TSNARE1: variants seen among roughly 807,000 people sequenced by gnomAD.
TSNARE1 encodes t-SNARE domain-containing protein 1.
In TSNARE1, 49 loss-of-function variants were observed where a neutral mutation model predicts 62.0. That is an observed-to-expected ratio of 0.79 (90% CI 0.63 to 1.00). The LOEUF (loss-of-function observed/expected upper bound fraction) is 1.00. Ranked by LOEUF, TSNARE1 falls within the 50% of genes least tolerant of loss-of-function variation. The pLI is 0.00. For missense variants in TSNARE1, 755 were observed against 700.1 expected (o/e 1.08, Z -0.88); for synonymous variants, 328 against 294.4 (o/e 1.11, Z -1.17).
At chr8:142,363,140 T>C (rs982794593) in intron 1 of TSNARE1, among the ~76,000 whole-genome samples, 7 of 152,172 alleles carry the variant, frequency 4.6e-5, no homozygotes, top group Admixed American at 4.6e-4. Flanking sequence ...GTGTGAGGGC[T>C]GTGGCTGCCT....
At chr8:142,387,272 T>C (rs951563834) in intron 1 of TSNARE1, among the ~76,000 whole-genome samples, 2 of 152,122 alleles carry the variant, frequency 1.3e-5, no homozygotes, top group African/African-American at 2.4e-5. Context: ...ATAAGGAAAA[T>C]ATGTCTCATC....
intron 9 of TSNARE1, among the ~76,000 whole-genome samples, chr8:142,305,286 G>T (rs1826474066): frequency 6.7e-6 from 1 of 149,266 alleles, no homozygotes; most frequent in Non-Finnish European, 1.5e-5. Flanking sequence ...CTGTGCCTTG[G>T]GATTGATGCC....
chr8:142,345,916 C>T (rs373777821), intron 2 of TSNARE1, 24 bp from the exon 3 acceptor site: 15 of 1,605,338 alleles, frequency 9.3e-6, no homozygotes, highest in Middle Eastern at 3.3e-4. Context: ...GGGACAGTCA[C>T]GATTACTCTC....
chr8:142,232,594 C>T (rs549545906), intron 12 of TSNARE1, among the ~76,000 whole-genome samples: 4 of 152,332 alleles, frequency 2.6e-5, no homozygotes, highest in Admixed American at 6.5e-5. Context: ...GGAGCACCTG[C>T]GGAAGAAAGG....
intron 12 of TSNARE1, chr8:142,269,521 G>C (rs1194258798): frequency 2.0e-6 from 2 of 984,938 alleles, no homozygotes; most frequent in African/African-American, 3.5e-5. Flanking sequence ...TAGAAGCAAG[G>C]TTTTGCTATG....
chr8:142,366,322 ATAACCATGT>A (rs1835548807), intron 1 of TSNARE1, among the ~76,000 whole-genome samples: 1 of 152,214 alleles, frequency 6.6e-6, no homozygotes, highest in Non-Finnish European at 1.5e-5. Context: ...TGAAGCATGT[ATAACCATGT>A]CACCAAAACC....
chr8:142,378,582 T>C (rs1027926913), intron 1 of TSNARE1, among the ~76,000 whole-genome samples: 1 of 152,178 alleles, frequency 6.6e-6, no homozygotes. Context: ...ACAGCAGGCA[T>C]GAGCCTTGAA....
upstream of TSNARE1, chr8:142,404,439 T>C (rs72689010): frequency 0.54 from 81,677 of 152,212 alleles, 24,253 homozygotes; most frequent in Non-Finnish European, 0.66. Context: ...GGAACGGTAG[T>C]ATATGGCACA....
chr8:142,333,533 C>T (rs1161680108), intron 4 of TSNARE1, among the ~76,000 whole-genome samples: 1 of 152,204 alleles, frequency 6.6e-6, no homozygotes, highest in African/African-American at 2.4e-5. Context: ...GTCTGGGCTG[C>T]CCTGAGGTGG....
chr8:142,247,309 C>T (rs776803521), intron 12 of TSNARE1, among the ~76,000 whole-genome samples: 5 of 152,238 alleles, frequency 3.3e-5, no homozygotes, highest in East Asian at 3.8e-4. Context: ...CACCCTGGTG[C>T]GTCTAGAAGG....
intron 12 of TSNARE1, chr8:142,270,756 G>A: frequency 7.1e-6 from 7 of 985,406 alleles, no homozygotes; most frequent in South Asian, 4.7e-5. Context: ...CCTGCTTCCA[G>A]GGACGCTGGG....
intron 1 of TSNARE1, among the ~76,000 whole-genome samples, chr8:142,369,919 T>G (rs997202783): frequency 6.6e-6 from 1 of 152,190 alleles, no homozygotes; most frequent in Non-Finnish European, 1.5e-5. Flanking sequence ...ATGAAAGGCA[T>G]TCACTCTAGA....
intron 2 of TSNARE1, among the ~76,000 whole-genome samples, chr8:142,353,137 T>C (rs1436128550): frequency 6.6e-6 from 1 of 151,990 alleles, no homozygotes; most frequent in Non-Finnish European, 1.5e-5. Flanking sequence ...TACTCTCCAC[T>C]AAGCACCCCC....
Position 142,321,448 on chromosome 8 carries a change from CAAAG to C in TSNARE1, c.894-2818_894-2815del, listed in dbSNP as rs1829466290. Among the ~76,000 whole-genome samples the C allele has an allele frequency of 2.6e-5, 4 of 152,126 alleles. No individual in the cohort carries two copies. The South Asian group carries it at 8.3e-4, about 32-fold the overall frequency. On this transcript the variant is annotated intron_variant, in intron 6 of 13. Coordinates refer to ENST00000524325, the MANE Select transcript of TSNARE1 (RefSeq NM_145003.5). ...CCTAAAGAAGCCAGCAAATTAAACACAAAGGAAGTAGAACAGAGATAATAAAGGT... is the reference window on the plus strand; with the variant it reads ...CCTAAAGAAGCCAGCAAATTAAACACGAAGTAGAACAGAGATAATAAAGGT...
intron 11 of TSNARE1, chr8:142,278,431 G>A (rs765605037): frequency 6.0e-5 from 59 of 985,338 alleles, no homozygotes; most frequent in Admixed American, 1.8e-4. Flanking sequence ...TCCTGCTTCC[G>A]GGGCTTCGTT....
At chr8:142,256,984 T>C (rs561994065) in intron 12 of TSNARE1, among the ~76,000 whole-genome samples, 1 of 152,264 alleles carries the variant, frequency 6.6e-6, no homozygotes, top group African/African-American at 2.4e-5. Flanking sequence ...TTGCATGCCA[T>C]TTGCATACAG....
intron 2 of TSNARE1, among the ~76,000 whole-genome samples, chr8:142,346,395 C>G (rs1833371502): frequency 6.6e-6 from 1 of 152,258 alleles, no homozygotes; most frequent in South Asian, 2.1e-4. Flanking sequence ...GACGCGTGCT[C>G]CCCATCTCCC....
intron 4 of TSNARE1, among the ~76,000 whole-genome samples, chr8:142,336,135 G>C (rs1363408791): frequency 6.6e-6 from 1 of 151,850 alleles, no homozygotes; most frequent in Non-Finnish European, 1.5e-5. Flanking sequence ...ATAAAAATTG[G>C]CCAGCTGTGG....
At chr8:142,271,274 T>C (rs529483427) in intron 12 of TSNARE1, 74 of 1,047,354 alleles carry the variant, frequency 7.1e-5, no homozygotes, top group African/African-American at 5.9e-4. Context: ...GAGGGTCCGG[T>C]TGAGGGCCTC....
Sources: gnomAD v4.1 joint callset for allele counts (sites outside exome capture counted in the v4.1 genomes callset) on GRCh38, gnomAD v4.1.1 for gene constraint, MANE v1.5 for transcripts, NCBI Gene and HGNC (gene_info 2026-07-23, HGNC 2026-07-21) for gene names.